Variants in CNRIP1 observed in about 807,000 individuals in gnomAD.
CNRIP1 encodes CB1 cannabinoid receptor-interacting protein 1.
CNRIP1 carries 10 observed loss-of-function variants against 15.2 expected under a neutral mutation model. The observed-to-expected ratio is 0.66, with a 90% CI of 0.41 to 1.12. CNRIP1 has a LOEUF of 1.12. CNRIP1 is among the 50% of genes most tolerant of loss of function. CNRIP1 has a pLI of 0.00. For synonymous variants in CNRIP1, 91 were observed against 83.2 expected (o/e 1.09, Z -0.51); for missense variants, 211 against 214.7 (o/e 0.98, Z 0.11).
At chr2:68,296,566 G>GTGTA in intron 2 of CNRIP1, among the ~76,000 whole-genome samples, 1 of 151,068 alleles carries the variant, frequency 6.6e-6, no homozygotes, top group African/African-American at 2.4e-5. Flanking sequence ...ATATGTGTAT[G>GTGTA]TGTGTGTGTG....
rs549060279 is a variant in CNRIP1 at position 68,304,083 on chromosome 2, C to CAA, written c.331-10059_331-10058dup. Among the ~76,000 whole-genome samples the CAA allele has an allele frequency of 5.8e-4, 86 of 149,518 alleles. No homozygotes were observed. The East Asian group carries it at 0.01, about 18-fold the overall frequency. On this transcript the variant is annotated intron_variant, in intron 2 of 2. Coordinates refer to ENST00000263655, the MANE Select transcript of CNRIP1 (RefSeq NM_015463.3). ...CAGAGCAAGACTGTCTAAAAACAAACAAAAAAAACAAACAAAAAAGCCAGC... is the reference window on the plus strand; with the variant it reads ...CAGAGCAAGACTGTCTAAAAACAAACAAAAAAAAAACAAACAAAAAAGCCAGC...
Position 68,293,980 on chromosome 2 carries a change from T to C in CNRIP1, c.377A>G (p.Tyr126Cys). The change falls in exon 3 of 3, where the codon TAC becomes TGC. Residue 126 changes from tyrosine (Y) to cysteine (C), a missense_variant. Transcript: ENST00000263655. ...GCAGTGATCCCGCTTGTGGTAATTG[T>C]AGAACTTGACTTGCCACACTGTCTC... ...TFETVWQVKF[Y>C]NYHKRDHCQW... 1 of 1,614,062 alleles carries C rather than the reference T, an allele frequency of 6.2e-7. No homozygotes were observed. Among genetic ancestry groups the C allele is most frequent in the Non-Finnish European group, 8.5e-7 (1 of 1,179,968 alleles).
At chr2:68,316,983 GCATT>G (rs1432272412) in intron 2 of CNRIP1, 170 bp downstream of exon 2, 2 of 773,212 alleles carry the variant, frequency 2.6e-6, no homozygotes, top group African/African-American at 3.4e-5. Context: ...ATGCAAAAGA[GCATT>G]AATTAAGTAG....
At position 68,293,298 on chromosome 2, in the gene CNRIP1, AC is replaced by A; in HGVS notation, c.*563del. 1.0e-6 allele frequency: 1 copy of A among 986,010 alleles called. No homozygotes were observed. 61.1% of individuals were successfully genotyped at this position (986,010 alleles called of 1,614,324 possible). On this transcript the variant is annotated 3_prime_UTR_variant, in exon 3 of 3. Coordinates refer to ENST00000263655, the MANE Select transcript of CNRIP1 (RefSeq NM_015463.3). ...TACATATTTGTCCTTCTAGTTTGTT[AC>A]CATCCTTCCCTGAAAGAGCGGAGCT...
At chr2:68,310,352 T>C (rs1418389317) in intron 2 of CNRIP1, among the ~76,000 whole-genome samples, 2 of 152,014 alleles carry the variant, frequency 1.3e-5, no homozygotes, top group African/African-American at 4.8e-5. Context: ...CAGTTTTGGA[T>C]TGATAGAGCA....
chr2:68,305,571 A>G (rs546565547), intron 2 of CNRIP1, among the ~76,000 whole-genome samples: 21 of 148,832 alleles, frequency 1.4e-4, no homozygotes, highest in East Asian at 1.2e-3. Flanking sequence ...CAAGGCGGGC[A>G]GTTCACGAGG....
chr2:68,296,867 C>A (rs1671382851), intron 2 of CNRIP1, among the ~76,000 whole-genome samples: 2 of 152,158 alleles, frequency 1.3e-5, no homozygotes. Context: ...TCTTGAACTC[C>A]TGACCTCGTG....
At chr2:68,286,767 C>T (rs914791149) in intron 2 of CNRIP1, among the ~76,000 whole-genome samples, 5 of 152,094 alleles carry the variant, frequency 3.3e-5, no homozygotes, top group African/African-American at 4.8e-5. Context: ...TGAGGGTAAG[C>T]GTGTTGAAGT....
exon 3 of CNRIP1, chr2:68,284,478 G>A: frequency 6.5e-7 from 1 of 1,540,350 alleles, no homozygotes; most frequent in Non-Finnish European, 8.8e-7. Context: ...CGTTGTTCCA[G>A]GCACTCCTGA....
intron 2 of CNRIP1, among the ~76,000 whole-genome samples, chr2:68,302,494 G>T (rs911011626): frequency 6.6e-6 from 1 of 152,166 alleles, no homozygotes; most frequent in Non-Finnish European, 1.5e-5. Flanking sequence ...GTGAAATGGG[G>T]TTTGAGAGGC....
Position 68,293,672 on chromosome 2 carries a change from A to G in CNRIP1, c.*190T>C, listed in dbSNP as rs1031921661. ...ATGGGAATATTCTCGGGAGTGGTAC[A>G]TCACCATCTTGTATGTGAGGGATAT... On this transcript the variant is annotated 3_prime_UTR_variant, in exon 3 of 3. Transcript: ENST00000263655. 1.3e-5 allele frequency: 17 copies of G among 1,350,220 alleles called. No homozygotes were observed. Among genetic ancestry groups the G allele is most frequent in the Non-Finnish European group, 1.6e-5 (17 of 1,046,432 alleles). 83.6% of individuals were successfully genotyped at this position (1,350,220 alleles called of 1,614,324 possible).
chr2:68,301,514 A>G (rs1014729205), intron 2 of CNRIP1, among the ~76,000 whole-genome samples: 6 of 152,214 alleles, frequency 3.9e-5, no homozygotes, highest in African/African-American at 1.2e-4. Flanking sequence ...TCCAGGTCTT[A>G]GCCAGTACCT....
intron 2 of CNRIP1, among the ~76,000 whole-genome samples, chr2:68,305,255 A>ATATAT (rs1392593278): frequency 2.5e-4 from 13 of 52,888 alleles, no homozygotes; most frequent in African/African-American, 8.0e-4. Context: ...AAAAAAAAAA[A>ATATAT]AAAAATATAT....
At chr2:68,286,485 A>T (rs904949310) in intron 2 of CNRIP1, among the ~76,000 whole-genome samples, 12 of 152,238 alleles carry the variant, frequency 7.9e-5, no homozygotes, top group African/African-American at 2.4e-4. Context: ...AAAGAAAGTG[A>T]CTATCTGATA....
rs1262862969 is a variant in CNRIP1 at position 68,293,815 on chromosome 2, A to C, written c.*47T>G. 1 of 1,596,706 alleles carries C rather than the reference A, an allele frequency of 6.3e-7. No individual in the cohort carries two copies. The highest frequency in any genetic ancestry group is 1.3e-5 in the African/African-American group (1 of 74,352). ...TAAGGCCTGCGCTGGTTTATCTAAA[A>C]GTAGATTTCTGAAAAGATTGTCCAG... On this transcript the variant is annotated 3_prime_UTR_variant, in exon 3 of 3. Transcript: ENST00000263655.
rs764093027 is a variant in CNRIP1 at position 68,319,437 on chromosome 2, C to G, written c.-37G>C. The G allele has an allele frequency of 4.7e-6, 7 of 1,480,052 alleles. No individual in the cohort carries two copies. The highest frequency in any genetic ancestry group is 6.3e-6 in the Non-Finnish European group (7 of 1,116,134). The allele number at this position is 1,480,052 out of a possible 1,614,324, so 91.7% of individuals were successfully genotyped here. On this transcript the variant is annotated 5_prime_UTR_variant, in exon 1 of 3. Transcript: ENST00000263655. ...GGTCTGGCGCGGCGGCTCCGGGGGG[C>G]GGAGGACAGCGCCGGCTGCGGCCGA... is the stretch of plus-strand genomic sequence containing the variant.
chr2:68,306,149 A>AAAAAAAAAAAAAAAAAAAAAAAAAAG (rs1671837483), intron 2 of CNRIP1, among the ~76,000 whole-genome samples: 1 of 145,986 alleles, frequency 6.8e-6, no homozygotes, highest in Non-Finnish European at 1.5e-5. Context: ...AAAAAAAAAA[A>AAAAAAAAAAAAAAAAAAAAAAAAAAG]AATTAGCTGG....
At chr2:68,295,284 C>T (rs1671308247) in intron 2 of CNRIP1, among the ~76,000 whole-genome samples, 1 of 152,192 alleles carries the variant, frequency 6.6e-6, no homozygotes, top group South Asian at 2.1e-4. Flanking sequence ...AAAATTATAT[C>T]TTGCACCATT....
At chr2:68,298,505 T>G (rs535226892) in intron 2 of CNRIP1, among the ~76,000 whole-genome samples, 5 of 152,218 alleles carry the variant, frequency 3.3e-5, no homozygotes, top group African/African-American at 1.2e-4. Context: ...ACGTAAGGCT[T>G]ATGTCTAAAA....
Sources: gnomAD v4.1 joint callset for allele counts (sites outside exome capture counted in the v4.1 genomes callset) on GRCh38, gnomAD v4.1.1 for gene constraint, MANE v1.5 for transcripts, NCBI Gene and HGNC (gene_info 2026-07-23, HGNC 2026-07-21) for gene names.